The following PCDH15 variants were observed in gnomAD, a reference collection of about 807,000 sequenced individuals.
The protein encoded by PCDH15 is protocadherin-15.
A neutral mutation model predicts 178.5 loss-of-function variants in PCDH15; 129 were observed. That is an observed-to-expected ratio of 0.72 (90% CI 0.63 to 0.84). The LOEUF (loss-of-function observed/expected upper bound fraction) is 0.84. PCDH15 is among the 40% of genes least tolerant of loss of function. The pLI, the probability that PCDH15 is intolerant of heterozygous loss-of-function variation, is 0.00. For missense variants in PCDH15, 2,230 were observed against 2,099.9 expected (o/e 1.06, Z -1.21); for synonymous variants, 800 against 732.0 (o/e 1.09, Z -1.50).
intron 1 of PCDH15, among the ~76,000 whole-genome samples, chr10:55,191,226 CAT>C (rs35108095): frequency 0.12 from 17,460 of 151,296 alleles, 1,422 homozygotes; most frequent in Non-Finnish European, 0.17. Context: ...ATTTTTGTGA[CAT>C]ATCCTGTTAG....
rs80191130 is a variant in PCDH15 at position 54,952,248 on chromosome 10, G to A, written c.-79-54748C>T. Among the ~76,000 whole-genome samples the A allele has an allele frequency of 6.3e-3, 962 of 151,876 alleles. 11 individuals are homozygous for A. Among genetic ancestry groups the A allele is most frequent in the African/African-American group, 0.022 (910 of 41,492 alleles). On this transcript the variant is annotated intron_variant, in intron 2 of 5. Transcript: ENST00000458638. The stretch of plus-strand genomic sequence containing the variant: ...TTGGATGTTCATTAGTTCCATCACT[G>A]TTTGTTCAAAAGCTATTATTCTTCA...
chr10:54,212,008 A>C (rs2051493045), intron 10 of PCDH15, among the ~76,000 whole-genome samples: 1 of 151,994 alleles, frequency 6.6e-6, no homozygotes, highest in East Asian at 1.9e-4. Flanking sequence ...TCTGTGGCCT[A>C]TTGTAATTGA....
At chr10:55,483,281 CA>C (rs35371247) in intron 2 of PCDH15, among the ~76,000 whole-genome samples, 60,602 of 150,362 alleles carry the variant, frequency 0.4, 12,822 homozygotes, top group East Asian at 0.81. Flanking sequence ...TAAATTTTTA[CA>C]AAAAAAAATC....
intron 2 of PCDH15, among the ~76,000 whole-genome samples, chr10:54,956,266 C>T (rs1397001495): frequency 6.6e-6 from 1 of 151,340 alleles, no homozygotes; most frequent in East Asian, 1.9e-4. Context: ...CATAACAGGA[C>T]TTGTCTATTT....
At chr10:54,096,827 C>G (rs930525327) in intron 15 of PCDH15, among the ~76,000 whole-genome samples, 4 of 152,118 alleles carry the variant, frequency 2.6e-5, no homozygotes, top group African/African-American at 9.7e-5. Flanking sequence ...ACATTCAGTC[C>G]ATAGCAGATG....
At chr10:54,157,201 ACT>A (rs1258334217) in intron 13 of PCDH15, among the ~76,000 whole-genome samples, 4 of 152,062 alleles carry the variant, frequency 2.6e-5, no homozygotes, top group African/African-American at 4.8e-5. Flanking sequence ...GAGGGCTCTG[ACT>A]CTGCATTTCC....
At chr10:55,338,593 T>G (rs951265968) in intron 2 of PCDH15, among the ~76,000 whole-genome samples, 7 of 151,902 alleles carry the variant, frequency 4.6e-5, no homozygotes, top group African/African-American at 1.7e-4. Context: ...CATGGTGAAA[T>G]CCTGTCTCTA....
intron 1 of PCDH15, among the ~76,000 whole-genome samples, chr10:55,211,639 TG>T (rs1840574774): frequency 6.6e-6 from 1 of 152,024 alleles, no homozygotes; most frequent in African/African-American, 2.4e-5. Context: ...TAGCATTAAG[TG>T]AAGTTATTTT....
chr10:55,165,763 G>A (rs566400975), intron 2 of PCDH15, among the ~76,000 whole-genome samples: 1 of 151,756 alleles, frequency 6.6e-6, no homozygotes. Context: ...ATCATAAATT[G>A]CAAATTACAG....
intron 2 of PCDH15, among the ~76,000 whole-genome samples, chr10:54,534,995 G>C (rs1220977680): frequency 1.3e-5 from 2 of 152,118 alleles, no homozygotes; most frequent in African/African-American, 4.8e-5. Flanking sequence ...GACAATGATA[G>C]AACAAAAGCA....
intron 2 of PCDH15, among the ~76,000 whole-genome samples, chr10:55,464,718 G>T (rs1839794389): frequency 6.8e-6 from 1 of 147,476 alleles, no homozygotes; most frequent in Admixed American, 6.8e-5. Context: ...ATATACTTAT[G>T]TGTGTGTATA....
intron 1 of PCDH15, among the ~76,000 whole-genome samples, chr10:55,206,699 T>C (rs1268571565): frequency 6.6e-6 from 1 of 152,150 alleles, no homozygotes; most frequent in Non-Finnish European, 1.5e-5. Context: ...TTCAAGTTGG[T>C]AATATCTACA....
chr10:53,831,606 G>T, intron 29 of PCDH15, 73 bp from the exon 30 acceptor site: 3 of 1,120,676 alleles, frequency 2.7e-6, no homozygotes, highest in Non-Finnish European at 3.9e-6. Flanking sequence ...AAATCTTTTT[G>T]TAAGATCTTT....
intron 2 of PCDH15, among the ~76,000 whole-genome samples, chr10:55,498,688 C>A (rs939127242): frequency 3.3e-5 from 5 of 151,788 alleles, no homozygotes; most frequent in African/African-American, 1.2e-4. Flanking sequence ...TCATAATGAA[C>A]CTGCACCTGA....
At chr10:54,804,927 T>TTTTATATATATATATATATATATATATA (rs536235796), upstream of PCDH15, among the ~76,000 whole-genome samples, 6 of 50,838 alleles carry the variant, frequency 1.2e-4, no homozygotes, top group African/African-American at 1.9e-4. Flanking sequence ...TCATAGTAGA[T>TTTTATATATATATATATATATATATATA]TATATATATA....
At chr10:54,949,463 CT>C (rs1258264819) in intron 2 of PCDH15, among the ~76,000 whole-genome samples, 1 of 151,920 alleles carries the variant, frequency 6.6e-6, no homozygotes, top group African/African-American at 2.4e-5. Flanking sequence ...CTGGGAGGAA[CT>C]GCTGTGAAGA....
chr10:53,818,833 A>G (rs1255018263), intron 33 of PCDH15, among the ~76,000 whole-genome samples: 1 of 152,056 alleles, frequency 6.6e-6, no homozygotes, highest in Admixed American at 6.6e-5. Context: ...GGCACATATT[A>G]CAAAGAGGCA....
intron 25 of PCDH15, among the ~76,000 whole-genome samples, chr10:53,936,362 G>T (rs1334507104): frequency 9.2e-5 from 14 of 152,104 alleles, no homozygotes. Flanking sequence ...CAGTAATCAT[G>T]ATATTTTAAT....
chr10:54,866,692 T>C (rs371049485), intron 3 of PCDH15, among the ~76,000 whole-genome samples: 50 of 152,318 alleles, frequency 3.3e-4, no homozygotes, highest in African/African-American at 1.1e-3. Context: ...CATCCAGATG[T>C]ATAAGCAGTT....
Sources: allele counts gnomAD v4.1 joint callset (sites outside exome capture counted in the v4.1 genomes callset), GRCh38; gene constraint gnomAD v4.1.1; transcripts MANE v1.5; gene names NCBI Gene and HGNC (gene_info 2026-07-23, HGNC 2026-07-21).